The following USP18 variants were observed in gnomAD, a reference collection of about 807,000 sequenced individuals.
The protein encoded by USP18 is ubl carboxyl-terminal hydrolase 18.
USP18 carries 11 observed loss-of-function variants against 48.7 expected under a neutral mutation model. That is an observed-to-expected ratio of 0.23 (90% confidence interval 0.14 to 0.37). USP18 has a LOEUF of 0.37. USP18 is among the 10% of genes least tolerant of loss of function. The pLI is 1.00. For missense variants in USP18, 285 were observed against 436.4 expected, an observed-to-expected ratio of 0.65 and a Z score of 3.09; for synonymous variants, 114 against 163.2, an observed-to-expected ratio of 0.70 and a Z score of 2.30.
chr22:18,155,712 G>C (rs1187588595), intron 1 of USP18, among the ~76,000 whole-genome samples: 1 of 152,244 alleles, frequency 6.6e-6, no homozygotes, highest in African/African-American at 2.4e-5. Flanking sequence ...GGCCTTAGCT[G>C]CCTCCTGGCA....
At chr22:18,173,460 C>G (rs1455211465) in intron 9 of USP18, among the ~76,000 whole-genome samples, 179 bp downstream of exon 9, 1 of 152,096 alleles carries the variant, frequency 6.6e-6, no homozygotes, top group Non-Finnish European at 1.5e-5. Flanking sequence ...TGGTTTGCAC[C>G]TCTGTAAGGG....
intron 4 of USP18, among the ~76,000 whole-genome samples, chr22:18,164,933 G>A (rs2123735525): frequency 6.6e-6 from 1 of 152,260 alleles, no homozygotes; most frequent in Middle Eastern, 3.4e-3. Context: ...ACTGTGTCTG[G>A]GGTGGGGCTT....
chr22:18,162,466 T>G (rs1929358689), intron 4 of USP18, among the ~76,000 whole-genome samples: 1 of 149,792 alleles, frequency 6.7e-6, no homozygotes, highest in South Asian at 2.2e-4. Flanking sequence ...CACTTACGGG[T>G]TTTCCCTTGT....
At chr22:18,151,651 G>C (rs766736845) in intron 1 of USP18, among the ~76,000 whole-genome samples, 2 of 151,852 alleles carry the variant, frequency 1.3e-5, no homozygotes, top group Admixed American at 6.6e-5. Flanking sequence ...GTTTTTCCAC[G>C]AGCTGTTTTT....
intron 1 of USP18, among the ~76,000 whole-genome samples, chr22:18,151,161 T>G (rs545906024): frequency 9.8e-5 from 15 of 152,326 alleles, no homozygotes; most frequent in Non-Finnish European, 1.0e-4. Context: ...GGAAGGATGT[T>G]GTCAAACTCT....
intron 2 of USP18, among the ~76,000 whole-genome samples, chr22:18,158,673 C>T (rs1929235704): frequency 6.6e-6 from 1 of 152,184 alleles, no homozygotes; most frequent in South Asian, 2.1e-4. Flanking sequence ...TTTTGTTTTT[C>T]TCGTATTCTT....
intron 4 of USP18, 120 bp downstream of exon 4, chr22:18,162,055 C>A: frequency 7.6e-7 from 1 of 1,314,242 alleles, no homozygotes. Context: ...TAGCCTGGAC[C>A]CCTCAGATTA....
chr22:18,167,196 G>T, intron 4 of USP18, 59 bp from the exon 5 acceptor site: 1 of 1,600,484 alleles, frequency 6.2e-7, no homozygotes, highest in Non-Finnish European at 8.5e-7. Flanking sequence ...TAAGTACCAG[G>T]GCATGAGAAG....
At chr22:18,175,001 C>T (rs1929744833) in intron 10 of USP18, among the ~76,000 whole-genome samples, 1 of 152,076 alleles carries the variant, frequency 6.6e-6, no homozygotes, top group Non-Finnish European at 1.5e-5. Flanking sequence ...GCAAGCTCTG[C>T]CTCGTGGGTT....
At chr22:18,172,425 T>G (rs546406545) in intron 8 of USP18, among the ~76,000 whole-genome samples, 9 of 152,364 alleles carry the variant, frequency 5.9e-5, no homozygotes, top group Non-Finnish European at 1.3e-4. Context: ...CTGACTGTTG[T>G]GTAATCTATG....
At chr22:18,163,929 T>C (rs1440829595) in intron 4 of USP18, among the ~76,000 whole-genome samples, 1 of 152,240 alleles carries the variant, frequency 6.6e-6, no homozygotes, top group African/African-American at 2.4e-5. Context: ...CAGTTTATTC[T>C]ATCCTCAGGG....
intron 1 of USP18, among the ~76,000 whole-genome samples, chr22:18,157,230 C>A (rs1929182997): frequency 6.6e-6 from 1 of 152,242 alleles, no homozygotes; most frequent in Admixed American, 6.5e-5. Flanking sequence ...GCATCAGGGG[C>A]TGAGAGTTCT....
intron 2 of USP18, among the ~76,000 whole-genome samples, chr22:18,158,889 C>G (rs75435688): frequency 6.6e-6 from 1 of 152,038 alleles, no homozygotes; most frequent in Admixed American, 6.6e-5. Context: ...CCGTGGAGAA[C>G]GATTTGAATG....
intron 4 of USP18, among the ~76,000 whole-genome samples, chr22:18,164,927 T>C: frequency 6.6e-6 from 1 of 152,206 alleles, no homozygotes; most frequent in African/African-American, 2.4e-5. Flanking sequence ...TAAGGTACTG[T>C]GTCTGGGGTG....
At chr22:18,169,090 G>A (rs1929558622) in intron 6 of USP18, among the ~76,000 whole-genome samples, 1 of 151,740 alleles carries the variant, frequency 6.6e-6, no homozygotes. Flanking sequence ...TGGGGAGGCT[G>A]TAACTGATAC....
intron 3 of USP18, among the ~76,000 whole-genome samples, chr22:18,161,220 A>G (rs1179158768): frequency 6.7e-6 from 1 of 148,218 alleles, no homozygotes; most frequent in African/African-American, 2.5e-5. Flanking sequence ...TCCTTCCACC[A>G]ACACTCACAC....
intron 6 of USP18, among the ~76,000 whole-genome samples, chr22:18,168,793 C>T (rs1929552407): frequency 1.3e-5 from 2 of 152,168 alleles, no homozygotes; most frequent in African/African-American, 4.8e-5. Flanking sequence ...CCACACAGCA[C>T]AGTGTGGCCA....
At chr22:18,151,441 A>T (rs956171940) in intron 1 of USP18, among the ~76,000 whole-genome samples, 2 of 152,212 alleles carry the variant, frequency 1.3e-5, no homozygotes, top group African/African-American at 4.8e-5. Context: ...TGGAGAGTGA[A>T]TGCAGGTTAC....
intron 4 of USP18, among the ~76,000 whole-genome samples, chr22:18,164,109 G>A (rs1016480375): frequency 2.0e-5 from 3 of 152,198 alleles, no homozygotes; most frequent in African/African-American, 7.2e-5. Flanking sequence ...GCTTAGAGAC[G>A]GACAGGTTAG....
Sources: gnomAD v4.1 joint callset for allele counts (sites outside exome capture counted in the v4.1 genomes callset) on GRCh38, gnomAD v4.1.1 for gene constraint, MANE v1.5 for transcripts, NCBI Gene and HGNC (gene_info 2026-07-23, HGNC 2026-07-21) for gene names.